The following RAB2B variants were observed in gnomAD, a reference collection of about 807,000 sequenced individuals.
The protein encoded by RAB2B is ras-related protein Rab-2B.
In RAB2B, 20 loss-of-function variants were observed where a neutral mutation model predicts 29.8. The observed-to-expected ratio is 0.67, with a 90% CI of 0.47 to 0.97. The LOEUF is 0.97. RAB2B is among the 50% of genes least tolerant of loss of function. The pLI, the probability that RAB2B is intolerant of heterozygous loss-of-function variation, is 0.00. For synonymous variants in RAB2B, 93 were observed against 91.7 expected, an observed-to-expected ratio of 1.01 and a Z score of -0.08; for missense variants, 218 against 272.0, an observed-to-expected ratio of 0.80 and a Z score of 1.40.
At chr14:21,471,852 T>C (rs1428015302) in intron 3 of RAB2B, among the ~76,000 whole-genome samples, 1 of 151,838 alleles carries the variant, frequency 6.6e-6, no homozygotes, top group Admixed American at 6.6e-5. Flanking sequence ...ATTTTTTTAT[T>C]TTTAGTAGAG....
At position 21,471,129 on chromosome 14, in the gene RAB2B, C is replaced by T. The variant is rs569745620; in HGVS notation, c.187-2377G>A. On this transcript the variant is annotated intron_variant, in intron 3 of 7. Coordinates refer to ENST00000397762, the MANE Select transcript of RAB2B (RefSeq NM_032846.4). ...CAGAGGCTGCAGTAAGCCAAGATGGCGCTATTGCACTCCAGCCTGGGCAAC... is the reference window on the plus strand; with the variant it reads ...CAGAGGCTGCAGTAAGCCAAGATGGTGCTATTGCACTCCAGCCTGGGCAAC... Among the ~76,000 whole-genome samples, 35 of 151,046 alleles carry T rather than the reference C, an allele frequency of 2.3e-4. No homozygotes were observed. The East Asian group carries it at 6.6e-3, about 29-fold the overall frequency.
At chr14:21,474,741 T>A (rs773610791) in intron 3 of RAB2B, 126 bp downstream of exon 3, 6 of 724,646 alleles carry the variant, frequency 8.3e-6, no homozygotes, top group Non-Finnish European at 1.4e-5. Context: ...ACTTCTCTCT[T>A]TGATTTCACC....
intron 1 of RAB2B, 69 bp downstream of exon 1, chr14:21,476,752 GCCCCGC>G: frequency 1.2e-5 from 19 of 1,574,014 alleles, no homozygotes; most frequent in Non-Finnish European, 1.7e-5. Context: ...CACAAAGTGA[GCCCCGC>G]CCCCGCCACC....
intron 3 of RAB2B, among the ~76,000 whole-genome samples, chr14:21,470,046 G>T (rs1341868103): frequency 1.3e-5 from 2 of 150,554 alleles, no homozygotes; most frequent in African/African-American, 4.9e-5. Context: ...CCGCCTCCCA[G>T]GTTCAAGCAA....
chr14:21,476,528 C>T lies in RAB2B; in HGVS notation c.118G>A (p.Gly40Ser), dbSNP rs773462475. ...TTCTGGAACAAGTAGATGCACTTAC[C>T]TATTGTGAGGTCGTGGACAGGCTGG... Reference protein sequence around the residue: ...RFQPVHDLTIGVEFGARMVNI... With the variant: ...RFQPVHDLTISVEFGARMVNI... Residue 40 changes from glycine to serine, a missense_variant and splice_region_variant, in exon 2 of 8, where the codon GGT becomes AGT. By Grantham distance (56) the Gly-to-Ser change is moderately conservative (BLOSUM62 0). Coordinates refer to ENST00000397762, the MANE Select transcript of RAB2B (RefSeq NM_032846.4). 1.9e-6 allele frequency: 3 copies of T among 1,613,750 alleles called. No individual in the cohort carries two copies. The highest frequency in any genetic ancestry group is 1.7e-6 in the Non-Finnish European group (2 of 1,180,026).
intron 2 of RAB2B, chr14:21,476,224 C>A (rs2139610230): frequency 3.1e-6 from 1 of 321,096 alleles, no homozygotes; most frequent in East Asian, 5.3e-5. Context: ...CAGATGAGTT[C>A]ATAAATAAGC....
chr14:21,468,239 A>ATT (rs398056924), intron 5 of RAB2B, 118 bp downstream of exon 5: 1,561 of 589,054 alleles, frequency 2.7e-3, no homozygotes, highest in Admixed American at 5.5e-3. Flanking sequence ...TCACAACAAA[A>ATT]TTTTTTTTTT....
chr14:21,471,814 T>C (rs1401586884), intron 3 of RAB2B, among the ~76,000 whole-genome samples: 1 of 151,982 alleles, frequency 6.6e-6, no homozygotes, highest in East Asian at 1.9e-4. Context: ...TAGCTGGCAT[T>C]ACAGGCGCCC....
In RAB2B at chr14:21,460,183, G is replaced by T; in HGVS notation, c.*1013C>A. On this transcript the variant is annotated 3_prime_UTR_variant, in exon 8 of 8. Coordinates refer to ENST00000397762, the MANE Select transcript of RAB2B (RefSeq NM_032846.4). ...GAAAAAAACTCAATGAAATTCCGAG[G>T]CAGAGGATCTATCAACCAAAGGCCA... 1.9e-6 allele frequency: 1 copy of T among 518,938 alleles called. No individual in the cohort carries two copies. Among genetic ancestry groups the T allele is most frequent in the Non-Finnish European group, 3.8e-6 (1 of 259,852 alleles). The allele number at this position is 518,938 out of a possible 1,614,324, so 32.1% of individuals were successfully genotyped here.
rs1003074902 is a variant in RAB2B at position 21,476,846 on chromosome 14, A to G, written c.27T>C (p.Tyr9=). Residue 9 remains tyrosine (Y), a synonymous_variant, in exon 1 of 8, where the codon TAT becomes TAC. Transcript: ENST00000397762. ...GGTTACCTGTGTCTCCGATGATGAT[A>G]TACTTGAAGAGATAAGCATAAGTCA... MTYAYLFK[Y]IIIGDTGVGK... 1.2e-6 allele frequency: 2 copies of G among 1,613,280 alleles called. No homozygotes were observed. Among genetic ancestry groups the G allele is most frequent in the Non-Finnish European group, 8.5e-7 (1 of 1,180,008 alleles).
rs200383631 is a variant in RAB2B at position 21,476,810 on chromosome 14, A to G, written c.46+17T>C. 8.9e-5 allele frequency: 144 copies of G among 1,610,682 alleles called. No homozygotes were observed. The highest frequency in any genetic ancestry group is 1.2e-4 in the Non-Finnish European group (138 of 1,179,088). On this transcript the variant is annotated intron_variant, in intron 1 of 7. Coordinates refer to ENST00000397762, the MANE Select transcript of RAB2B (RefSeq NM_032846.4). The stretch of plus-strand genomic sequence containing the variant: ...AATGCCCGCCCGAGCCTTGAAGGCG[A>G]ACCACCTGAGGGTTACCTGTGTCTC...
chr14:21,469,490 T>G (rs561900821), intron 3 of RAB2B, among the ~76,000 whole-genome samples: 1 of 152,348 alleles, frequency 6.6e-6, no homozygotes, highest in South Asian at 2.1e-4. Context: ...TCATTTCCAG[T>G]TGGACAAAGA....
At chr14:21,470,615 A>C (rs1368699104) in intron 3 of RAB2B, among the ~76,000 whole-genome samples, 2 of 152,224 alleles carry the variant, frequency 1.3e-5, no homozygotes, top group Non-Finnish European at 2.9e-5. Context: ...AGATTAAAAA[A>C]ATACTTACAG....
chr14:21,468,542 T>G, intron 4 of RAB2B, 93 bp from the exon 5 acceptor site: 1 of 1,336,738 alleles, frequency 7.5e-7, no homozygotes. Flanking sequence ...AAGCCATACG[T>G]GTAAAGAAAA....
chr14:21,460,544 C>T lies in RAB2B; in HGVS notation c.*652G>A, dbSNP rs574890733. On this transcript the variant is annotated 3_prime_UTR_variant, in exon 8 of 8. Transcript: ENST00000397762. ...AGGTTGCAGTGAGCCAAGATCATGC[C>T]ACTGCACTCCAGCCTGGAGACAGAG... 1 of 152,412 alleles carries T rather than the reference C, an allele frequency of 6.6e-6. No homozygotes were observed. Among genetic ancestry groups the T allele is most frequent in the African/African-American group, 2.7e-5 (1 of 37,244 alleles). The allele number at this position is 152,412 out of a possible 1,614,324, so 9.4% of individuals were successfully genotyped here.
rs953707396 is a variant in RAB2B at position 21,476,404 on chromosome 14, G to T, written c.118+124C>A. 1.1e-5 allele frequency: 10 copies of T among 935,788 alleles called. 1 individual carries two copies. Among genetic ancestry groups the T allele is most frequent in the Admixed American group, 1.0e-4 (5 of 48,020 alleles). The allele number at this position is 935,788 out of a possible 1,614,324, so 58.0% of individuals were successfully genotyped here. A position where few individuals can be genotyped will look rare whatever the true frequency, so the allele number is the denominator to read the frequency against. The stretch of plus-strand genomic sequence containing the variant: ...TTGGTCACTTCATTAACATAAGTTT[G>T]GACTAGTTTAAAGTAGTGAGGGGTA... On this transcript the variant is annotated intron_variant, in intron 2 of 7. Coordinates refer to ENST00000397762, the MANE Select transcript of RAB2B (RefSeq NM_032846.4).
intron 5 of RAB2B, among the ~76,000 whole-genome samples, chr14:21,464,777 G>T (rs1890648477): frequency 6.6e-6 from 1 of 152,336 alleles, no homozygotes; most frequent in East Asian, 1.9e-4. Context: ...GCTGAGGCAG[G>T]AGGATTACTT....
rs776122466 is a variant in RAB2B at position 21,468,431 on chromosome 14, G to A, written c.288C>T (p.His96=). 5.6e-6 allele frequency: 9 copies of A among 1,613,878 alleles called. No homozygotes were observed. The African/African-American group carries it at 1.2e-4, about 22-fold the overall frequency. The stretch of plus-strand genomic sequence containing the variant: ...GGGCATCCTCTAACCATGAGGTCAG[G>A]TGGTTGAAGGTTTCACGCCTACAGC... ...YDITRRETFN[H]LTSWLEDARQ... Residue 96 remains histidine (H), a synonymous_variant, in exon 5 of 8, where the codon CAC becomes CAT. Transcript: ENST00000397762.
chr14:21,475,029 T>A, intron 2 of RAB2B, 95 bp from the exon 3 acceptor site: 1 of 930,446 alleles, frequency 1.1e-6, no homozygotes, highest in East Asian at 2.4e-5. Context: ...GTTATAACCA[T>A]CCTTTGTCTG....
Sources: gnomAD v4.1 joint callset for allele counts (sites outside exome capture counted in the v4.1 genomes callset) on GRCh38, gnomAD v4.1.1 for gene constraint, MANE v1.5 for transcripts, NCBI Gene and HGNC (gene_info 2026-07-23, HGNC 2026-07-21) for gene names.